The following PPP4R2 variants were observed in gnomAD, a reference collection of about 807,000 sequenced individuals.
PPP4R2 encodes the protein protein phosphatase 4 regulatory subunit 2, also known as serine/threonine-protein phosphatase 4 regulatory subunit 2.
In PPP4R2, 13 loss-of-function variants were observed where a neutral mutation model predicts 47.2. The observed-to-expected ratio is 0.28, with a 90% CI of 0.18 to 0.44. The LOEUF (loss-of-function observed/expected upper bound fraction) is 0.44. PPP4R2 is among the 20% of genes least tolerant of loss of function. PPP4R2 has a pLI of 1.00. For synonymous variants in PPP4R2, 151 were observed against 163.3 expected, an observed-to-expected ratio of 0.92 and a Z score of 0.57; for missense variants, 421 against 491.2, an observed-to-expected ratio of 0.86 and a Z score of 1.35.
intron 3 of PPP4R2, among the ~76,000 whole-genome samples, chr3:73,052,398 A>C (rs541400622): frequency 6.6e-6 from 1 of 152,140 alleles, no homozygotes; most frequent in Admixed American, 6.5e-5. Flanking sequence ...TAAAAATTTT[A>C]ATGAAATGGT....
At chr3:73,040,434 T>C (rs4676898) in intron 2 of PPP4R2, among the ~76,000 whole-genome samples, 67,908 of 151,522 alleles carry the variant, frequency 0.45, 15,469 homozygotes, top group South Asian at 0.55. Context: ...ACAGGGTTTA[T>C]TATTAGGCTG....
At chr3:73,044,938 A>T (rs538668852) in intron 2 of PPP4R2, among the ~76,000 whole-genome samples, 4 of 152,194 alleles carry the variant, frequency 2.6e-5, no homozygotes, top group African/African-American at 9.7e-5. Context: ...TTGATGCACA[A>T]AATTTTAAAT....
At chr3:73,021,884 A>G (rs1174037121) in intron 2 of PPP4R2, among the ~76,000 whole-genome samples, 86 of 76,798 alleles carry the variant, frequency 1.1e-3, no homozygotes, top group Admixed American at 5.9e-3. Flanking sequence ...GTGTGTGTAT[A>G]TATGCATATA....
At chr3:73,031,042 G>A (rs1218721467) in intron 2 of PPP4R2, among the ~76,000 whole-genome samples, 1 of 152,152 alleles carries the variant, frequency 6.6e-6, no homozygotes, top group Non-Finnish European at 1.5e-5. Context: ...AATGAAGGGA[G>A]AGAGGTTGTC....
intron 3 of PPP4R2, among the ~76,000 whole-genome samples, chr3:73,051,725 A>G (rs1474962134): frequency 6.6e-6 from 1 of 152,146 alleles, no homozygotes; most frequent in African/African-American, 2.4e-5. Context: ...TCCCGGGTTC[A>G]TGCCATTCTC....
chr3:73,064,550 A>AG (rs1702945087), intron 7 of PPP4R2, among the ~76,000 whole-genome samples: 1 of 152,198 alleles, frequency 6.6e-6, no homozygotes, highest in Admixed American at 6.5e-5. Context: ...AGACTAAATG[A>AG]GGGAGAGGAC....
chr3:73,043,533 A>G (rs1357802059), intron 2 of PPP4R2, among the ~76,000 whole-genome samples: 1 of 152,176 alleles, frequency 6.6e-6, no homozygotes, highest in Non-Finnish European at 1.5e-5. Context: ...TTCCAAAGCA[A>G]CTACACCATT....
At chr3:73,009,371 A>G (rs1417300965) in intron 2 of PPP4R2, among the ~76,000 whole-genome samples, 1 of 152,234 alleles carries the variant, frequency 6.6e-6, no homozygotes, top group African/African-American at 2.4e-5. Context: ...GTTGAGAAGC[A>G]GTTGTCTATA....
At chr3:72,998,045 C>A in intron 1 of PPP4R2, 32 bp from the exon 2 acceptor site, 1 of 1,503,746 alleles carries the variant, frequency 6.7e-7, no homozygotes, top group Non-Finnish European at 9.2e-7. Flanking sequence ...TTTGAGAAAA[C>A]TGATAACGTT....
chr3:73,047,405 A>G, intron 3 of PPP4R2, 49 bp downstream of exon 3: 1 of 1,287,208 alleles, frequency 7.8e-7, no homozygotes, highest in Non-Finnish European at 1.1e-6. Flanking sequence ...CAGAAGATGA[A>G]TAGATTTTTC....
Position 73,016,729 on chromosome 3 carries a change from G to GTTTCTTTT in PPP4R2, c.116+18574_116+18575insCTTTTTTT, listed in dbSNP as rs752008242. ...TGTTAACTAGCTTTATTGGTTCATTGTTTATTTTTATTATTTTTTTTTTTT... is the reference window on the plus strand; with the variant it reads ...TGTTAACTAGCTTTATTGGTTCATTGTTTCTTTTTTTATTTTTATTATTTTTTTTTTTT... On this transcript the variant is annotated intron_variant, in intron 2 of 8. Coordinates refer to ENST00000356692, the MANE Select transcript of PPP4R2 (RefSeq NM_174907.4). Among the ~76,000 whole-genome samples the GTTTCTTTT allele has an allele frequency of 3.4e-4, 24 of 69,876 alleles. 6 individuals are homozygous for GTTTCTTTT. The highest frequency in any genetic ancestry group is 1.0e-3 in the African/African-American group (15 of 14,798). 45.8% of individuals were successfully genotyped at this position (69,876 alleles called of 152,430 possible).
chr3:73,055,725 A>C lies in PPP4R2; in HGVS notation c.288-3312A>C, dbSNP rs1968894. 6.0e-5 allele frequency among the ~76,000 whole-genome samples: 9 copies of C among 149,874 alleles called. 1 individual carries two copies. The highest frequency in any genetic ancestry group is 6.0e-4 in the Admixed American group (9 of 15,040). ...CACCCAGGCTGGAGTGCAGTGGCTC[A>C]ATCTCGACTCACTGCAACTTGCAAC... On this transcript the variant is annotated intron_variant, in intron 3 of 8. Transcript: ENST00000356692.
intron 3 of PPP4R2, among the ~76,000 whole-genome samples, chr3:73,057,447 G>T (rs1308839998): frequency 6.6e-6 from 1 of 152,074 alleles, no homozygotes; most frequent in African/African-American, 2.4e-5. Flanking sequence ...AAACCCAGAG[G>T]AATTTCTAGT....
intron 4 of PPP4R2, among the ~76,000 whole-genome samples, chr3:73,060,052 C>G (rs369082961): frequency 2.7e-4 from 41 of 152,132 alleles, no homozygotes; most frequent in African/African-American, 9.6e-4. Flanking sequence ...CTGTGAGAAC[C>G]AAGATTGGAC....
chr3:73,000,598 C>T (rs1057096477), intron 2 of PPP4R2, among the ~76,000 whole-genome samples: 3 of 152,072 alleles, frequency 2.0e-5, no homozygotes, highest in Non-Finnish European at 4.4e-5. Context: ...ATTTTTACTT[C>T]TTAGTCTATT....
chr3:72,999,913 A>T (rs1701424927), intron 2 of PPP4R2, among the ~76,000 whole-genome samples: 1 of 152,128 alleles, frequency 6.6e-6, no homozygotes, highest in African/African-American at 2.4e-5. Context: ...TTAAGCTTTG[A>T]TTTCTTTTTA....
In PPP4R2 at chr3:73,018,407, CGTTAT is replaced by C. The variant is rs11282207; in HGVS notation, c.116+20290_116+20294del. 5.4e-3 allele frequency among the ~76,000 whole-genome samples: 516 copies of C among 96,110 alleles called. 9 individuals are homozygous for C. Among genetic ancestry groups the C allele is most frequent in the Non-Finnish European group, 5.9e-3 (274 of 46,590 alleles). The allele number at this position is 96,110 out of a possible 152,430, so 63.1% of individuals were successfully genotyped here. ...CAAGGGATGACTCTGCTGTCATAGT[CGTTAT>C]GTTATGTTATGTTATGTTATGTTAT... On this transcript the variant is annotated intron_variant, in intron 2 of 8. Transcript: ENST00000356692.
chr3:73,032,649 T>C (rs1315189639), intron 2 of PPP4R2, among the ~76,000 whole-genome samples: 1 of 152,206 alleles, frequency 6.6e-6, no homozygotes, highest in Non-Finnish European at 1.5e-5. Context: ...TTTTACAGTC[T>C]AGTTACTTTT....
intron 2 of PPP4R2, among the ~76,000 whole-genome samples, chr3:73,006,886 G>C (rs1273927939): frequency 1.3e-5 from 2 of 152,104 alleles, no homozygotes; most frequent in Non-Finnish European, 2.9e-5. Flanking sequence ...ACTTCTCTCT[G>C]TCACAGATCC....
Sources: gnomAD v4.1 joint callset for allele counts (sites outside exome capture counted in the v4.1 genomes callset) on GRCh38, gnomAD v4.1.1 for gene constraint, MANE v1.5 for transcripts, NCBI Gene and HGNC (gene_info 2026-07-23, HGNC 2026-07-21) for gene names.